The following TEAD1 variants were observed in gnomAD, a reference collection of about 807,000 sequenced individuals.
TEAD1 encodes transcriptional enhancer factor TEF-1.
A neutral mutation model predicts 54.9 loss-of-function variants in TEAD1; 9 were observed. The ratio of observed to expected loss-of-function variants is 0.16; its 90% CI spans 0.10 to 0.29. The LOEUF (loss-of-function observed/expected upper bound fraction) is 0.29, where lower values mean the gene tolerates loss of function less well. Ranked by LOEUF, TEAD1 falls within the 10% of genes least tolerant of loss-of-function variation. TEAD1 has a pLI of 1.00. For synonymous variants in TEAD1, 200 were observed against 187.8 expected (o/e 1.07, Z -0.53); for missense variants, 387 against 535.9 (o/e 0.72, Z 2.74).
At chr11:12,763,246 C>G (rs954299347) in intron 2 of TEAD1, among the ~76,000 whole-genome samples, 2 of 152,012 alleles carry the variant, frequency 1.3e-5, no homozygotes, top group Non-Finnish European at 2.9e-5. Context: ...TTTTTTGGTT[C>G]TGTGATCTTC....
At chr11:12,904,827 A>G (rs982300912) in intron 10 of TEAD1, 1 of 333,380 alleles carries the variant, frequency 3.0e-6, no homozygotes, top group South Asian at 2.7e-5. Context: ...TCCTGTTTGC[A>G]GTATCGTACA....
intron 2 of TEAD1, among the ~76,000 whole-genome samples, chr11:12,732,162 T>G (rs554006782): frequency 1.3e-5 from 2 of 152,322 alleles, no homozygotes; most frequent in East Asian, 3.9e-4. Context: ...CTGGTCATTA[T>G]ATCCTTTGAG....
intron 10 of TEAD1, among the ~76,000 whole-genome samples, chr11:12,903,201 A>G (rs1039291799): frequency 6.6e-6 from 1 of 152,206 alleles, no homozygotes; most frequent in African/African-American, 2.4e-5. Flanking sequence ...GTAGATCACC[A>G]GAGACAGGCT....
chr11:12,723,915 G>C (rs766928343), intron 2 of TEAD1, among the ~76,000 whole-genome samples: 3 of 152,148 alleles, frequency 2.0e-5, no homozygotes, highest in Non-Finnish European at 4.4e-5. Context: ...GAATAAGTTT[G>C]TTCTTTCTGG....
intron 3 of TEAD1, among the ~76,000 whole-genome samples, chr11:12,833,036 G>A (rs554324870): frequency 1.3e-4 from 20 of 152,294 alleles, no homozygotes; most frequent in Admixed American, 3.3e-4. Context: ...AAGACATATT[G>A]CAACCAAATA....
chr11:12,837,718 C>CTCCTGA, intron 3 of TEAD1, among the ~76,000 whole-genome samples: 1 of 126,048 alleles, frequency 7.9e-6, no homozygotes, highest in Non-Finnish European at 1.6e-5. Flanking sequence ...CCTTCTCCTT[C>CTCCTGA]TCCTTCTTCT....
Position 12,766,532 on chromosome 11 carries a change from A to G in TEAD1, c.202+2098A>G, listed in dbSNP as rs114413056. On this transcript the variant is annotated intron_variant, in intron 3 of 12. Coordinates refer to ENST00000527636, the MANE Select transcript of TEAD1 (RefSeq NM_021961.6). ...GATAGTAAAGTAGTTGATGATGTCC[A>G]TGGGTCCTTTGGACTCTTCCATTTT... Among the ~76,000 whole-genome samples the G allele has an allele frequency of 6.0e-3, 908 of 152,292 alleles. 5 individuals carry two copies. Among genetic ancestry groups the G allele is most frequent in the Middle Eastern group, 0.017 (5 of 294 alleles).
intron 3 of TEAD1, among the ~76,000 whole-genome samples, chr11:12,776,783 T>TATTATTATTATTATTATC (rs1351991021): frequency 7.8e-6 from 1 of 128,086 alleles, no homozygotes; most frequent in African/African-American, 4.5e-5. Flanking sequence ...TTATTATTAT[T>TATTATTATTATTATTATC]ATTATTATTA....
chr11:12,894,991 G>A (rs953972945), intron 9 of TEAD1, among the ~76,000 whole-genome samples: 1 of 152,150 alleles, frequency 6.6e-6, no homozygotes, highest in Non-Finnish European at 1.5e-5. Flanking sequence ...AACTGCAGCA[G>A]AGAGAGAGGG....
chr11:12,871,967 C>G (rs1221560041), intron 5 of TEAD1, among the ~76,000 whole-genome samples: 1 of 152,144 alleles, frequency 6.6e-6, no homozygotes, highest in Non-Finnish European at 1.5e-5. Flanking sequence ...TCGCCGGTGA[C>G]TAATTTATGA....
intron 2 of TEAD1, among the ~76,000 whole-genome samples, chr11:12,731,214 T>C (rs745669147): frequency 6.6e-6 from 1 of 152,232 alleles, no homozygotes; most frequent in Non-Finnish European, 1.5e-5. Context: ...TGCTAGCCCA[T>C]TTAGGTTTTT....
chr11:12,739,616 C>T (rs1480571658), intron 2 of TEAD1, among the ~76,000 whole-genome samples: 1 of 152,148 alleles, frequency 6.6e-6, no homozygotes, highest in Non-Finnish European at 1.5e-5. Context: ...GAATTGCCTT[C>T]CTTTTCAAGG....
At chr11:12,887,556 C>G (rs1296605637) in intron 9 of TEAD1, among the ~76,000 whole-genome samples, 2 of 152,132 alleles carry the variant, frequency 1.3e-5, no homozygotes, top group Non-Finnish European at 2.9e-5. Context: ...ACCAGCCTCT[C>G]AAGTTATATA....
rs979005186 is a variant in TEAD1, at chr11:12,941,747, G to A, written c.*4525G>A. The A allele has an allele frequency of 1.3e-5, 2 of 152,628 alleles. No homozygotes were observed. The highest frequency in any genetic ancestry group is 6.5e-5 in the Admixed American group (1 of 15,284). The allele number at this position is 152,628 out of a possible 1,614,324, so 9.5% of individuals were successfully genotyped here. ...GCCTTAAATCTTTAAGATGTTGCAT[G>A]TAGGGTATGCAGTGCAAAAGGCTGC... On this transcript the variant is annotated 3_prime_UTR_variant, in exon 13 of 13. Coordinates refer to ENST00000527636, the MANE Select transcript of TEAD1 (RefSeq NM_021961.6).
chr11:12,883,249 A>G (rs566990037), intron 9 of TEAD1, 124 bp downstream of exon 9: 1 of 1,480,240 alleles, frequency 6.8e-7, no homozygotes, highest in Non-Finnish European at 9.3e-7. Context: ...CTGTGTGAAA[A>G]CGGGCCTAGG....
intron 3 of TEAD1, among the ~76,000 whole-genome samples, chr11:12,830,425 C>T (rs1276242393): frequency 5.3e-5 from 8 of 152,104 alleles, no homozygotes; most frequent in Non-Finnish European, 1.0e-4. Flanking sequence ...GTCTTGGCCT[C>T]TCCTACCAGC....
At chr11:12,755,270 T>C (rs1031107509) in intron 2 of TEAD1, among the ~76,000 whole-genome samples, 2 of 152,218 alleles carry the variant, frequency 1.3e-5, no homozygotes, top group Non-Finnish European at 2.9e-5. Flanking sequence ...TATATACTTA[T>C]ATTTATCTTG....
At chr11:12,728,326 C>T (rs534617981) in intron 2 of TEAD1, among the ~76,000 whole-genome samples, 24 of 152,240 alleles carry the variant, frequency 1.6e-4, no homozygotes, top group East Asian at 1.9e-4. Context: ...TCTCTAACAC[C>T]GTGGCAACAT....
intron 3 of TEAD1, among the ~76,000 whole-genome samples, chr11:12,775,970 G>A (rs1440377462): frequency 7.1e-6 from 1 of 140,700 alleles, no homozygotes; most frequent in East Asian, 1.9e-4. Context: ...GTTTACTGGC[G>A]GCGGGGGGTT....
Sources: gnomAD v4.1 joint callset for allele counts (sites outside exome capture counted in the v4.1 genomes callset) on GRCh38, gnomAD v4.1.1 for gene constraint, MANE v1.5 for transcripts, NCBI Gene and HGNC (gene_info 2026-07-23, HGNC 2026-07-21) for gene names.